ABCC1: variants seen among roughly 807,000 people sequenced by gnomAD.
ABCC1 encodes the protein multidrug resistance-associated protein 1.
ABCC1 carries 83 observed loss-of-function variants against 172.9 expected under a neutral mutation model. The observed-to-expected ratio is 0.48, with a 90% CI of 0.40 to 0.58. The LOEUF (loss-of-function observed/expected upper bound fraction) is 0.58. Ranked by LOEUF, ABCC1 falls within the 20% of genes least tolerant of loss-of-function variation. ABCC1 has a pLI of 0.00. For missense variants in ABCC1, 1,817 were observed against 2,002.7 expected (o/e 0.91, Z 1.77); for synonymous variants, 937 against 825.2 (o/e 1.14, Z -2.32).
At chr16:15,957,012 C>A (rs749541423) in intron 1 of ABCC1, among the ~76,000 whole-genome samples, 2 of 152,120 alleles carry the variant, frequency 1.3e-5, no homozygotes, top group Non-Finnish European at 2.9e-5. Context: ...ATGAAATAAT[C>A]ACTTAACTGT....
chr16:15,980,563 G>A (rs1176115862), intron 1 of ABCC1, among the ~76,000 whole-genome samples: 1 of 152,118 alleles, frequency 6.6e-6, no homozygotes, highest in Non-Finnish European at 1.5e-5. Context: ...GATCTTGTGA[G>A]AACTCACTAT....
intron 1 of ABCC1, among the ~76,000 whole-genome samples, chr16:16,005,349 ATTTT>A (rs35956116): frequency 7.9e-5 from 11 of 139,852 alleles, no homozygotes; most frequent in Admixed American, 7.1e-5. Flanking sequence ...AGATTTTCTG[ATTTT>A]TTTTTTTTTT....
chr16:16,102,726 G>A lies in ABCC1; in HGVS notation c.2735+9G>A, dbSNP rs764571972. 84 of 1,563,262 alleles carry A rather than the reference G, an allele frequency of 5.4e-5. No individual in the cohort carries two copies. The highest frequency in any genetic ancestry group is 3.6e-4 in the Admixed American group (19 of 52,196). On this transcript the variant is annotated intron_variant, in intron 20 of 30. Coordinates refer to ENST00000399410, the MANE Select transcript of ABCC1 (RefSeq NM_004996.4). ...GGGAAGCAACTGCAGAGGTAAGGGC[G>A]GGGAGGAAGGCCCCAACCTAAGGAC...
At chr16:16,015,772 CCT>C (rs2047971491) in intron 4 of ABCC1, among the ~76,000 whole-genome samples, 1 of 152,140 alleles carries the variant, frequency 6.6e-6, no homozygotes, top group Non-Finnish European at 1.5e-5. Context: ...CCTGGCTTCC[CCT>C]GACTGGGTGC....
At chr16:15,982,774 C>G (rs2046651860) in intron 1 of ABCC1, among the ~76,000 whole-genome samples, 1 of 122,140 alleles carries the variant, frequency 8.2e-6, no homozygotes, top group South Asian at 2.7e-4. Context: ...CCACTGCACT[C>G]CAGTCTGGGC....
intron 5 of ABCC1, among the ~76,000 whole-genome samples, chr16:16,020,164 C>T (rs950283208): frequency 1.3e-5 from 2 of 152,302 alleles, no homozygotes; most frequent in Admixed American, 1.3e-4. Flanking sequence ...TCAAGTGATC[C>T]GCCCACTTTG....
Position 16,111,474 on chromosome 16 carries a change from G to A in ABCC1, c.2971G>A (p.Ala991Thr). ...LFMCNHVSALASNYWLSLWTD... is the reference protein window; with the variant it reads ...LFMCNHVSALTSNYWLSLWTD... ...CATGTGTAACCATGTGTCCGCGCTG[G>A]CTTCCAACTATTGGCTCAGCCTCTG... Residue 991 changes from alanine (A) to threonine (T), a missense_variant, in exon 22 of 31, where the codon GCT (alanine) becomes ACT (threonine). Ala to Thr is a moderately conservative substitution (Grantham distance 58, BLOSUM62 0). Coordinates refer to ENST00000399410, the MANE Select transcript of ABCC1 (RefSeq NM_004996.4). 6.2e-7 allele frequency: 1 copy of A among 1,614,112 alleles called. No individual in the cohort carries two copies. The highest frequency in any genetic ancestry group is 8.5e-7 in the Non-Finnish European group (1 of 1,180,016).
At chr16:16,070,920 A>G (rs45446297) in intron 13 of ABCC1, among the ~76,000 whole-genome samples, 4,811 of 152,158 alleles carry the variant, frequency 0.032, 246 homozygotes, top group African/African-American at 0.11. Context: ...GCAAACTAAC[A>G]ATAAGTTTTT....
intron 16 of ABCC1, among the ~76,000 whole-genome samples, chr16:16,080,384 G>A (rs894129976): frequency 1.3e-5 from 2 of 152,188 alleles, no homozygotes; most frequent in African/African-American, 2.4e-5. Flanking sequence ...AAAGAAGACT[G>A]CAGTTTTACT....
intron 5 of ABCC1, among the ~76,000 whole-genome samples, chr16:16,027,410 A>G (rs535852904): frequency 1.3e-5 from 2 of 152,328 alleles, no homozygotes; most frequent in East Asian, 3.9e-4. Flanking sequence ...TCTGTGGGCC[A>G]TAGATGCTTC....
chr16:16,111,211 T>G (rs752999571), intron 21 of ABCC1, among the ~76,000 whole-genome samples, 164 bp from the exon 22 acceptor site: 1 of 152,182 alleles, frequency 6.6e-6, no homozygotes, highest in Non-Finnish European at 1.5e-5. Flanking sequence ...CGACTTTGTT[T>G]ACTGCTGACT....
chr16:15,949,850 G>A, intron 1 of ABCC1, 51 bp downstream of exon 1: 3 of 1,183,858 alleles, frequency 2.5e-6, no homozygotes, highest in Non-Finnish European at 3.1e-6. Context: ...AGGCCGGCGG[G>A]GAGGGAAAGC....
intron 2 of ABCC1, among the ~76,000 whole-genome samples, chr16:16,009,051 G>A (rs919004361): frequency 1.3e-5 from 2 of 151,370 alleles, no homozygotes; most frequent in South Asian, 2.1e-4. Context: ...CCTGGCTCAA[G>A]CCATCCTCCT....
At chr16:15,969,071 G>A (rs1403336103) in intron 1 of ABCC1, among the ~76,000 whole-genome samples, 2 of 152,004 alleles carry the variant, frequency 1.3e-5, no homozygotes, top group African/African-American at 4.8e-5. Flanking sequence ...AACTGTGGTG[G>A]CGCTTGCCTA....
intron 11 of ABCC1, among the ~76,000 whole-genome samples, 190 bp from the exon 12 acceptor site, chr16:16,055,902 G>A (rs1391199111): frequency 1.3e-5 from 2 of 151,512 alleles, no homozygotes; most frequent in Non-Finnish European, 2.9e-5. Context: ...TCCCAGCACA[G>A]GAGTTTGAGA....
intron 1 of ABCC1, among the ~76,000 whole-genome samples, chr16:15,960,784 A>G (rs568166033): frequency 2.0e-5 from 3 of 152,242 alleles, no homozygotes; most frequent in African/African-American, 7.2e-5. Context: ...GTGTGGTTAA[A>G]GTATTGAGGA....
chr16:16,025,285 A>T (rs759156863), intron 5 of ABCC1, among the ~76,000 whole-genome samples: 3 of 152,184 alleles, frequency 2.0e-5, no homozygotes, highest in Non-Finnish European at 4.4e-5. Context: ...CACTTGACAG[A>T]TGAAGACACT....
intron 1 of ABCC1, among the ~76,000 whole-genome samples, chr16:15,970,568 C>T (rs1379200868): frequency 6.6e-6 from 1 of 151,896 alleles, no homozygotes; most frequent in Non-Finnish European, 1.5e-5. Flanking sequence ...GAAGCACTGG[C>T]TTAATGAGGA....
chr16:16,108,754 C>T (rs909305159), intron 21 of ABCC1, among the ~76,000 whole-genome samples: 2 of 151,900 alleles, frequency 1.3e-5, no homozygotes, highest in Admixed American at 1.3e-4. Context: ...CACCCCCACG[C>T]TTGACTAATT....
Sources: gnomAD v4.1 joint callset for allele counts (sites outside exome capture counted in the v4.1 genomes callset) on GRCh38, gnomAD v4.1.1 for gene constraint, MANE v1.5 for transcripts, NCBI Gene and HGNC (gene_info 2026-07-23, HGNC 2026-07-21) for gene names.